Variants in TMPRSS15 observed in about 807,000 individuals in gnomAD.
TMPRSS15 encodes enteropeptidase.
In TMPRSS15, 128 loss-of-function variants were observed where a neutral mutation model predicts 125.3. The observed-to-expected ratio is 1.02, with a 90% CI of 0.89 to 1.18. TMPRSS15 has a LOEUF of 1.18. Ranked by LOEUF, TMPRSS15 falls within the 50% of genes most tolerant of loss-of-function variation. The pLI is 0.00. For synonymous variants in TMPRSS15, 446 were observed against 423.2 expected, an observed-to-expected ratio of 1.05 and a Z score of -0.66; for missense variants, 1,283 against 1,212.7, an observed-to-expected ratio of 1.06 and a Z score of -0.86.
chr21:18,417,605 T>G (rs930315744), intron 1 of TMPRSS15, among the ~76,000 whole-genome samples: 1 of 152,216 alleles, frequency 6.6e-6, no homozygotes, highest in Non-Finnish European at 1.5e-5. Flanking sequence ...TTAATTAACT[T>G]CAGGCTCTCA....
intron 7 of TMPRSS15, 141 bp from the exon 8 acceptor site, chr21:18,360,004 T>C (rs772820884): frequency 1.1e-5 from 6 of 543,352 alleles, no homozygotes; most frequent in Non-Finnish European, 2.0e-5. Context: ...AAGTGTACAG[T>C]GCAGTATTGC....
intron 12 of TMPRSS15, among the ~76,000 whole-genome samples, chr21:18,342,571 C>A (rs1442846389): frequency 1.3e-5 from 2 of 152,202 alleles, no homozygotes; most frequent in Non-Finnish European, 2.9e-5. Flanking sequence ...ATGAGTATAG[C>A]CACATCTGGC....
At chr21:18,422,694 G>A (rs770600327) in intron 1 of TMPRSS15, among the ~76,000 whole-genome samples, 1 of 152,168 alleles carries the variant, frequency 6.6e-6, no homozygotes, top group African/African-American at 2.4e-5. Flanking sequence ...TATCAAAGCC[G>A]ATGACTAACA....
chr21:18,418,598 G>A (rs2076185432), intron 1 of TMPRSS15, among the ~76,000 whole-genome samples: 1 of 152,088 alleles, frequency 6.6e-6, no homozygotes, highest in Non-Finnish European at 1.5e-5. Context: ...TTACCCTGTA[G>A]CCCTGCCCAT....
At chr21:18,324,337 T>C (rs1286460660) in intron 16 of TMPRSS15, among the ~76,000 whole-genome samples, 1 of 152,228 alleles carries the variant, frequency 6.6e-6, no homozygotes, top group African/African-American at 2.4e-5. Flanking sequence ...CATCATGCTT[T>C]CCTGCAGCAA....
At chr21:18,378,933 G>A (rs2075867433) in intron 5 of TMPRSS15, among the ~76,000 whole-genome samples, 1 of 152,038 alleles carries the variant, frequency 6.6e-6, no homozygotes, top group Non-Finnish European at 1.5e-5. Flanking sequence ...TGTATGCAGA[G>A]ATAATAATCA....
chr21:18,286,697 A>C (rs1186465129), intron 21 of TMPRSS15, among the ~76,000 whole-genome samples: 1 of 152,224 alleles, frequency 6.6e-6, no homozygotes, highest in Non-Finnish European at 1.5e-5. Flanking sequence ...TCCTCCCAGC[A>C]GTCCCATCTT....
At chr21:18,459,214 G>A (rs1222554730) in intron 1 of TMPRSS15, among the ~76,000 whole-genome samples, 2 of 151,822 alleles carry the variant, frequency 1.3e-5, no homozygotes, top group Non-Finnish European at 2.9e-5. Flanking sequence ...TATCTTATAA[G>A]GGTGCATCCA....
intron 3 of TMPRSS15, 125 bp downstream of exon 3, chr21:18,397,754 A>G: frequency 1.8e-6 from 1 of 565,672 alleles, no homozygotes; most frequent in Non-Finnish European, 3.2e-6. Context: ...ACTTTGCTTA[A>G]TCCTCAAAAA....
chr21:18,454,745 C>G (rs975713428), intron 1 of TMPRSS15, among the ~76,000 whole-genome samples: 2 of 152,148 alleles, frequency 1.3e-5, no homozygotes, highest in African/African-American at 4.8e-5. Context: ...TTGGGCCTCA[C>G]AGATTGGATA....
chr21:18,306,552 G>A (rs1047184354), intron 18 of TMPRSS15, among the ~76,000 whole-genome samples: 32 of 152,146 alleles, frequency 2.1e-4, no homozygotes, highest in African/African-American at 7.5e-4. Flanking sequence ...GGACTAATAT[G>A]GGATTTAAAA....
chr21:18,367,426 G>T (rs1408463020), intron 6 of TMPRSS15, among the ~76,000 whole-genome samples: 1 of 152,074 alleles, frequency 6.6e-6, no homozygotes, highest in African/African-American at 2.4e-5. Flanking sequence ...CACCTTCAAC[G>T]CTCTTTTCCA....
At chr21:18,371,717 A>C (rs1361610666) in intron 6 of TMPRSS15, among the ~76,000 whole-genome samples, 4 of 152,142 alleles carry the variant, frequency 2.6e-5, no homozygotes, top group Non-Finnish European at 5.9e-5. Context: ...CAAAATTTTA[A>C]TATGGTGCTC....
At chr21:18,337,107 T>A (rs1351670381) in intron 13 of TMPRSS15, among the ~76,000 whole-genome samples, 2 of 152,244 alleles carry the variant, frequency 1.3e-5, no homozygotes, top group Non-Finnish European at 2.9e-5. Flanking sequence ...TTGGCGAGGC[T>A]GGTCTTGAAT....
rs1005975440 is a variant in TMPRSS15, at chr21:18,284,926, G to A, written c.2487-3705C>T. On this transcript the variant is annotated intron_variant, in intron 21 of 24. Transcript: ENST00000284885. ...TGGGGCAGGAGAATTGCTTGAACCC[G>A]GGAGGCAGAGGTTCCAGGGAGCTGA... Among the ~76,000 whole-genome samples, 35 of 152,050 alleles carry A rather than the reference G, an allele frequency of 2.3e-4. 1 individual carries two copies. The highest frequency in any genetic ancestry group is 8.0e-4 in the African/African-American group (33 of 41,492).
At chr21:18,363,719 T>C (rs769309572) in intron 7 of TMPRSS15, among the ~76,000 whole-genome samples, 2 of 151,776 alleles carry the variant, frequency 1.3e-5, no homozygotes, top group Non-Finnish European at 2.9e-5. Flanking sequence ...TGATTATGTG[T>C]GTGTGTGTGT....
At chr21:18,289,065 C>A (rs2074801988) in intron 21 of TMPRSS15, among the ~76,000 whole-genome samples, 1 of 152,010 alleles carries the variant, frequency 6.6e-6, no homozygotes, top group South Asian at 2.1e-4. Flanking sequence ...CTGTGTTCTG[C>A]TTAAAGCATG....
Position 18,403,480 on chromosome 21 carries a change from C to T in TMPRSS15, c.143G>A (p.Arg48Gln), listed in dbSNP as rs778480098. The T allele has an allele frequency of 2.8e-5, 45 of 1,614,008 alleles. No homozygotes were observed. The highest frequency in any genetic ancestry group is 3.4e-5 in the Non-Finnish European group (40 of 1,180,010). Residue 48 changes from arginine (R) to glutamine (Q), a missense_variant and splice_region_variant, in exon 1 of 25, where the codon CGA (arginine) becomes CAA (glutamine). Transcript: ENST00000284885. Reference sequence around the variant, plus strand: ...CGAGCCAACTCCATGTGACTTACCTCGTTGGGATTCCTTGATTGTCAGGCA... The same window carrying T: ...CGAGCCAACTCCATGTGACTTACCTTGTTGGGATTCCTTGATTGTCAGGCA... ...VSCLTIKESQ[R>Q]GAALGQSHEA...
chr21:18,475,189 T>C (rs1164055535), intron 1 of TMPRSS15, among the ~76,000 whole-genome samples: 1 of 152,214 alleles, frequency 6.6e-6, no homozygotes, highest in Non-Finnish European at 1.5e-5. Context: ...CATGTATAAA[T>C]GCCAATCCCA....
Sources: gnomAD v4.1 joint callset for allele counts (sites outside exome capture counted in the v4.1 genomes callset) on GRCh38, gnomAD v4.1.1 for gene constraint, MANE v1.5 for transcripts, NCBI Gene and HGNC (gene_info 2026-07-23, HGNC 2026-07-21) for gene names.